The following MPDZ variants were observed in gnomAD, a reference collection of about 807,000 sequenced individuals.
MPDZ encodes the protein multiple PDZ domain crumbs cell polarity complex component.
In MPDZ, 234 loss-of-function variants were observed where a neutral mutation model predicts 239.1. The ratio of observed to expected loss-of-function variants is 0.98; its 90% CI spans 0.88 to 1.09. The LOEUF (loss-of-function observed/expected upper bound fraction) is 1.09, where lower values mean the gene tolerates loss of function less well. Among genes scored for constraint, MPDZ ranks in the 50% least tolerant of loss-of-function variants. The pLI is 0.00. For synonymous variants in MPDZ, 1,048 were observed against 881.3 expected (o/e 1.19, Z -3.35); for missense variants, 3,175 against 2,510.0 (o/e 1.26, Z -5.66).
intron 1 of MPDZ, among the ~76,000 whole-genome samples, chr9:13,278,580 C>T (rs1481457735): frequency 6.6e-6 from 1 of 152,218 alleles, no homozygotes; most frequent in African/African-American, 2.4e-5. Flanking sequence ...AAGCGTCTCC[C>T]AAACATCGCT....
Position 13,227,509 on chromosome 9 carries a change from A to G in MPDZ, c.184-2926T>C, listed in dbSNP as rs145593260. 4.3e-3 allele frequency among the ~76,000 whole-genome samples: 651 copies of G among 152,246 alleles called. 4 individuals carry two copies. The highest frequency in any genetic ancestry group is 0.015 in the African/African-American group (627 of 41,538). On this transcript the variant is annotated intron_variant, in intron 3 of 46. Coordinates refer to ENST00000319217, the MANE Select transcript of MPDZ (RefSeq NM_001378778.1). ...TCCCACACACCAAGACCTAATGGCTATGGTATGTTTGCATAGGAAAAAATA... is the reference window on the plus strand; with the variant it reads ...TCCCACACACCAAGACCTAATGGCTGTGGTATGTTTGCATAGGAAAAAATA...
intron 2 of MPDZ, among the ~76,000 whole-genome samples, chr9:13,249,008 A>AAAAAAAAAAAAAAAAG (rs1279043046): frequency 8.0e-6 from 1 of 125,256 alleles, no homozygotes; most frequent in Non-Finnish European, 1.7e-5. Flanking sequence ...AAAAAAAAAA[A>AAAAAAAAAAAAAAAAG]ATTGGAATCA....
chr9:13,263,337 G>A (rs1054631769), intron 1 of MPDZ, among the ~76,000 whole-genome samples: 9 of 150,446 alleles, frequency 6.0e-5, no homozygotes, highest in Non-Finnish European at 1.0e-4. Context: ...AGTTTTAGAG[G>A]CTAGGACTAG....
At position 13,133,909 on chromosome 9, in the gene MPDZ, CAG is replaced by C; in HGVS notation, c.4384-7_4384-6del. The C allele has an allele frequency of 1.3e-6, 2 of 1,507,672 alleles. No individual in the cohort carries two copies. Among genetic ancestry groups the C allele is most frequent in the Non-Finnish European group, 1.8e-6 (2 of 1,121,048 alleles). The allele number at this position is 1,507,672 out of a possible 1,614,324, so 93.4% of individuals were successfully genotyped here. On this transcript the variant is annotated splice_region_variant and splice_polypyrimidine_tract_variant and intron_variant, in intron 31 of 46. Transcript: ENST00000319217. Reference sequence around the variant, plus strand: ...AGTAGTAACAGTTGGCTCTGTCTGACAGAGGGAAAGAAATGACAAAAAGAGCA... The same window carrying C: ...AGTAGTAACAGTTGGCTCTGTCTGACAGGGAAAGAAATGACAAAAAGAGCA...
At chr9:13,252,856 C>T (rs1968467679) in intron 1 of MPDZ, among the ~76,000 whole-genome samples, 1 of 152,064 alleles carries the variant, frequency 6.6e-6, no homozygotes, top group African/African-American at 2.4e-5. Flanking sequence ...TAAAAAAAAG[C>T]ATGGACTAGA....
At chr9:13,277,305 A>G (rs1974443827) in intron 1 of MPDZ, among the ~76,000 whole-genome samples, 1 of 152,188 alleles carries the variant, frequency 6.6e-6, no homozygotes, top group Non-Finnish European at 1.5e-5. Flanking sequence ...AAACACAGAA[A>G]GGATCAAAGG....
In MPDZ at chr9:13,173,985, T is replaced by C. The variant is rs112252106; in HGVS notation, c.3055+1767A>G. Among the ~76,000 whole-genome samples, 1,130 of 152,250 alleles carry C rather than the reference T, an allele frequency of 7.4e-3. 14 individuals are homozygous for C. Among genetic ancestry groups the C allele is most frequent in the African/African-American group, 0.026 (1,084 of 41,550 alleles). On this transcript the variant is annotated intron_variant, in intron 21 of 46. Coordinates refer to ENST00000319217, the MANE Select transcript of MPDZ (RefSeq NM_001378778.1). Reference sequence around the variant, plus strand: ...ATCCTTCCTTTAGTTCCAACTCTGATTTTGCCAGTCATCATACCACACTTC... The same window carrying C: ...ATCCTTCCTTTAGTTCCAACTCTGACTTTGCCAGTCATCATACCACACTTC...
Position 13,250,351 on chromosome 9 carries a change from T to C in MPDZ, c.-36A>G, listed in dbSNP as rs138108496. On this transcript the variant is annotated 5_prime_UTR_variant, in exon 2 of 47. Coordinates refer to ENST00000319217, the MANE Select transcript of MPDZ (RefSeq NM_001378778.1). ...GTTCAGTGTTCTTCTCTGAAATGAT[T>C]AACAGCAATTAAAATGGAACTCTGT... The C allele has an allele frequency of 2.2e-5, 34 of 1,559,602 alleles. No individual in the cohort carries two copies. In the African/African-American group the frequency reaches 4.3e-4, roughly 20 times the overall value.
chr9:13,224,386 T>G lies in MPDZ; in HGVS notation c.381A>C (p.Lys127Asn), dbSNP rs762304270. The G allele has an allele frequency of 6.2e-7, 1 of 1,611,922 alleles. No individual in the cohort carries two copies. Residue 127 changes from lysine (K) to asparagine (N), a missense_variant, in exon 4 of 47, where the codon AAA becomes AAC. Transcript: ENST00000319217. ...GAAATGTTCTTACCTGGGCCATATT[T>G]TTGATAAGCTGATCAAATTCATCAC... ...PACDEFDQLI[K>N]NMAQGRHVEV...
At chr9:13,192,779 T>C (rs947432080) in intron 14 of MPDZ, among the ~76,000 whole-genome samples, 1 of 152,202 alleles carries the variant, frequency 6.6e-6, no homozygotes, top group Admixed American at 6.6e-5. Context: ...ATATTAGTAG[T>C]TACCTAATGA....
rs937010123 is a variant in MPDZ at position 13,108,337 on chromosome 9, A to G, written c.6066+599T>C. Among the ~76,000 whole-genome samples, 14 of 152,200 alleles carry G rather than the reference A, an allele frequency of 9.2e-5. No homozygotes were observed. In the East Asian group the frequency reaches 2.3e-3, roughly 25 times the overall value. On this transcript the variant is annotated intron_variant, in intron 46 of 46. Transcript: ENST00000319217. ...TTTATTCTTATTCTAAACCTTCTTA[A>G]GCTAGAATAGGTATTATATAATTAT...
chr9:13,216,599 C>T (rs557507380), intron 10 of MPDZ, among the ~76,000 whole-genome samples, 175 bp downstream of exon 10: 1 of 151,852 alleles, frequency 6.6e-6, no homozygotes, highest in Non-Finnish European at 1.5e-5. Flanking sequence ...ATATCCAATA[C>T]CCTTATTTTA....
chr9:13,201,061 T>C (rs1280477440), intron 12 of MPDZ, among the ~76,000 whole-genome samples: 1 of 151,832 alleles, frequency 6.6e-6, no homozygotes, highest in Admixed American at 6.6e-5. Flanking sequence ...TTCAGGTTTA[T>C]TTTTTTTAAT....
At chr9:13,135,915 TGGTATG>T (rs1946669004) in intron 31 of MPDZ, 171 bp downstream of exon 31, 1 of 503,804 alleles carries the variant, frequency 2.0e-6, no homozygotes, top group Non-Finnish European at 3.5e-6. Flanking sequence ...TTCACATAAG[TGGTATG>T]CTTATTTCCA....
intron 17 of MPDZ, among the ~76,000 whole-genome samples, chr9:13,188,347 G>A (rs912001456): frequency 5.9e-5 from 9 of 152,054 alleles, no homozygotes; most frequent in South Asian, 4.2e-4. Context: ...GTGAAACTCC[G>A]TCTCCACTAA....
intron 27 of MPDZ, among the ~76,000 whole-genome samples, chr9:13,141,121 G>T (rs992120564): frequency 2.0e-5 from 3 of 151,360 alleles, no homozygotes; most frequent in Admixed American, 2.0e-4. Context: ...AAAGTACTTG[G>T]CATCATCAAG....
chr9:13,111,445 G>C (rs927764992), intron 43 of MPDZ, among the ~76,000 whole-genome samples: 1 of 152,184 alleles, frequency 6.6e-6, no homozygotes, highest in Non-Finnish European at 1.5e-5. Context: ...TGAAACCATA[G>C]AGATTTTGCT....
At chr9:13,113,777 A>G (rs1162012243) in intron 41 of MPDZ, among the ~76,000 whole-genome samples, 154 bp downstream of exon 41, 1 of 152,216 alleles carries the variant, frequency 6.6e-6, no homozygotes, top group Non-Finnish European at 1.5e-5. Context: ...GCAGAACTTC[A>G]TGTTGTTCAG....
Position 13,188,960 on chromosome 9 carries a change from T to C in MPDZ, c.2188A>G (p.Ile730Val). 6.2e-7 allele frequency: 1 copy of C among 1,613,258 alleles called. No individual in the cohort carries two copies. Among genetic ancestry groups the C allele is most frequent in the Non-Finnish European group, 8.5e-7 (1 of 1,179,466 alleles). Residue 730 changes from isoleucine to valine, a missense_variant, in exon 17 of 47, where the codon ATT becomes GTT. Ile to Val is a conservative substitution (Grantham distance 29). Transcript: ENST00000319217. Reference sequence around the variant, plus strand: ...ATGCCGCCAGGCACCAAAGAACGAATTATAATCACAGTGCTTGCTGGATCA... The same window carrying C: ...ATGCCGCCAGGCACCAAAGAACGAACTATAATCACAGTGCTTGCTGGATCA... ...PIDPASTVII[I>V]RSLVPGGIAE...
Sources: allele counts gnomAD v4.1 joint callset (sites outside exome capture counted in the v4.1 genomes callset), GRCh38; gene constraint gnomAD v4.1.1; transcripts MANE v1.5; gene names NCBI Gene and HGNC (gene_info 2026-07-23, HGNC 2026-07-21).